Variants in DNAH3 observed in about 807,000 individuals in gnomAD.
DNAH3 encodes the protein dynein axonemal heavy chain 3.
DNAH3 carries 332 observed loss-of-function variants against 432.5 expected under a neutral mutation model. That is an observed-to-expected ratio of 0.77 (90% CI 0.70 to 0.84). The LOEUF (loss-of-function observed/expected upper bound fraction) is 0.84. Among genes scored for constraint, DNAH3 ranks in the 40% least tolerant of loss-of-function variants. The probability of loss-of-function intolerance (pLI) is 0.00; values close to 1 mark genes in which losing one functional copy is unlikely to be tolerated. For missense variants in DNAH3, 4,861 were observed against 5,114.0 expected (o/e 0.95, Z 1.51); for synonymous variants, 1,956 against 1,900.2 (o/e 1.03, Z -0.76).
At chr16:21,131,410 A>G (rs1398756584) in intron 7 of DNAH3, among the ~76,000 whole-genome samples, 1 of 151,536 alleles carries the variant, frequency 6.6e-6, no homozygotes, top group East Asian at 1.9e-4. Flanking sequence ...AAACAGGGTC[A>G]AAGAGAAAGA....
At chr16:21,049,442 C>G (rs1274887867) in intron 31 of DNAH3, 127 bp downstream of exon 31, 2 of 676,126 alleles carry the variant, frequency 3.0e-6, no homozygotes, top group East Asian at 5.4e-5. Context: ...TCACTGAGTA[C>G]CTGCTTTGGA....
chr16:21,030,684 T>C (rs1007114487), intron 37 of DNAH3, among the ~76,000 whole-genome samples: 2 of 152,204 alleles, frequency 1.3e-5, no homozygotes, highest in African/African-American at 4.8e-5. Context: ...CATTTAAGTA[T>C]CAACAACCTC....
intron 14 of DNAH3, 122 bp downstream of exon 14, chr16:21,111,504 G>T: frequency 1.0e-6 from 1 of 964,968 alleles, no homozygotes; most frequent in Non-Finnish European, 1.5e-6. Flanking sequence ...TTACTTAGGG[G>T]CAGAAAAAAC....
At chr16:20,945,596 T>C (rs1264782068) in intron 57 of DNAH3, among the ~76,000 whole-genome samples, 1 of 152,020 alleles carries the variant, frequency 6.6e-6, no homozygotes. Flanking sequence ...ATTCAAGCAA[T>C]TCTACTGCCT....
intron 18 of DNAH3, among the ~76,000 whole-genome samples, chr16:21,090,734 TGGATGAGGCAAAG>T (rs1172401159): frequency 2.0e-5 from 3 of 152,190 alleles, no homozygotes; most frequent in Non-Finnish European, 4.4e-5. Flanking sequence ...ACCAGAGGCT[TGGATGAGGCAAAG>T]GGATGGGGAA....
At chr16:20,998,393 C>T (rs2086857187) in intron 43 of DNAH3, among the ~76,000 whole-genome samples, 1 of 152,050 alleles carries the variant, frequency 6.6e-6, no homozygotes, top group African/African-American at 2.4e-5. Flanking sequence ...GCTGCGACTA[C>T]AGGTGTGCAC....
intron 1 of DNAH3, among the ~76,000 whole-genome samples, chr16:21,155,169 C>T (rs1403944028): frequency 6.6e-6 from 1 of 151,668 alleles, no homozygotes; most frequent in East Asian, 2.0e-4. Flanking sequence ...AGCCTGGTCT[C>T]GAACCCCTGA....
chr16:21,159,243 A>G (rs2092932944), intron 1 of DNAH3: 1 of 1,260,830 alleles, frequency 7.9e-7, no homozygotes, highest in Non-Finnish European at 1.2e-6. Flanking sequence ...TTACCCCCAA[A>G]TTAATAACTA....
chr16:20,998,127 C>T (rs568811060), intron 43 of DNAH3, among the ~76,000 whole-genome samples: 3 of 152,166 alleles, frequency 2.0e-5, no homozygotes, highest in Non-Finnish European at 2.9e-5. Context: ...TTAATTCCTC[C>T]CCATATGATG....
At chr16:21,037,166 G>GC (rs964735258) in intron 34 of DNAH3, among the ~76,000 whole-genome samples, 10 of 152,084 alleles carry the variant, frequency 6.6e-5, no homozygotes, top group African/African-American at 2.4e-4. Context: ...AAATTCAGCT[G>GC]TGCATGGTGG....
chr16:20,996,677 T>G (rs2152686589), intron 44 of DNAH3, among the ~76,000 whole-genome samples: 1 of 152,146 alleles, frequency 6.6e-6, no homozygotes, highest in African/African-American at 2.4e-5. Context: ...CAGGGTAGTC[T>G]CGAACTCCTG....
chr16:20,934,609 G>A (rs748282277), intron 61 of DNAH3, among the ~76,000 whole-genome samples: 2 of 152,150 alleles, frequency 1.3e-5, no homozygotes, highest in Non-Finnish European at 2.9e-5. Context: ...TCTCCTGAAT[G>A]TGTACTGATT....
At chr16:21,070,551 G>A (rs562716945) in intron 22 of DNAH3, among the ~76,000 whole-genome samples, 159 bp downstream of exon 22, 4 of 152,224 alleles carry the variant, frequency 2.6e-5, no homozygotes, top group African/African-American at 9.6e-5. Flanking sequence ...CCAAAGTACT[G>A]GGGTTACAGG....
chr16:21,036,643 A>G (rs2089184347), intron 35 of DNAH3, 71 bp downstream of exon 35: 3 of 1,421,032 alleles, frequency 2.1e-6, no homozygotes, highest in Non-Finnish European at 2.9e-6. Flanking sequence ...CCAATCTCCT[A>G]TAAGACTTTA....
chr16:21,083,559 T>C (rs1028311866), intron 19 of DNAH3, among the ~76,000 whole-genome samples: 1 of 152,218 alleles, frequency 6.6e-6, no homozygotes, highest in African/African-American at 2.4e-5. Context: ...CCTTTGCTGT[T>C]ATCTATAAAG....
exon 41 of DNAH3, chr16:21,019,858 C>G (rs1319051638): frequency 6.2e-7 from 1 of 1,613,916 alleles, no homozygotes; most frequent in East Asian, 2.2e-5. Context: ...TCTTCTACTG[C>G]CCTGATTTCA....
chr16:21,127,622 A>G, intron 8 of DNAH3, 65 bp downstream of exon 9: 1 of 1,574,250 alleles, frequency 6.4e-7, no homozygotes, highest in Non-Finnish European at 8.6e-7. Flanking sequence ...TACCAGCTTC[A>G]TTTCAGAGGG....
intron 8 of DNAH3, among the ~76,000 whole-genome samples, chr16:21,127,421 C>T (rs977007851): frequency 1.3e-5 from 2 of 150,894 alleles, no homozygotes; most frequent in Non-Finnish European, 2.9e-5. Flanking sequence ...AATAGCCGGG[C>T]ATGGTGGCAT....
intron 55 of DNAH3, among the ~76,000 whole-genome samples, chr16:20,954,212 G>A (rs1488694900): frequency 5.2e-4 from 41 of 79,168 alleles, no homozygotes; most frequent in African/African-American, 2.1e-3. Context: ...GACAGAGTGA[G>A]ACCCTATCTC....
Sources: gnomAD v4.1 joint callset for allele counts (sites outside exome capture counted in the v4.1 genomes callset) on GRCh38, gnomAD v4.1.1 for gene constraint, MANE v1.5 for transcripts, NCBI Gene and HGNC (gene_info 2026-07-23, HGNC 2026-07-21) for gene names.